Variants in FGD2 observed in about 807,000 individuals in gnomAD.
FGD2 encodes the protein FYVE, RhoGEF and PH domain containing 2, also known as FYVE, RhoGEF and PH domain-containing protein 2.
In FGD2, 52 loss-of-function variants were observed where a neutral mutation model predicts 75.9. The observed-to-expected ratio is 0.69, with a 90% confidence interval of 0.55 to 0.86. The LOEUF is 0.86. Ranked by LOEUF, FGD2 falls within the 40% of genes least tolerant of loss-of-function variation. FGD2 has a pLI of 0.00. For missense variants in FGD2, 790 were observed against 872.0 expected, an observed-to-expected ratio of 0.91 and a Z score of 1.18; for synonymous variants, 347 against 348.6, an observed-to-expected ratio of 1.00 and a Z score of 0.05.
In FGD2 at chr6:37,017,017, G is replaced by A. The variant is rs114254785; in HGVS notation, c.1122+1157G>A. ...GTGAGGCCTTCCAGAGGTGGTCTTCGCCTAGCAAACCAATAACATATAATA... is the reference window on the plus strand; with the variant it reads ...GTGAGGCCTTCCAGAGGTGGTCTTCACCTAGCAAACCAATAACATATAATA... On this transcript the variant is annotated intron_variant, in intron 9 of 15. Transcript: ENST00000274963. Among the ~76,000 whole-genome samples the A allele has an allele frequency of 3.4e-3, 518 of 152,040 alleles. 6 individuals carry two copies. Among genetic ancestry groups the A allele is most frequent in the African/African-American group, 0.012 (486 of 41,426 alleles).
chr6:37,009,071 T>G lies in FGD2; in HGVS notation c.300+6T>G. On this transcript the variant is annotated splice_donor_region_variant and intron_variant, in intron 2 of 15. Coordinates refer to ENST00000274963, the MANE Select transcript of FGD2 (RefSeq NM_173558.4). ...TCTCAGGATCGGGGACGCAGGTGCC[T>G]GAGGGCTGAGGTAGAGGTGTGGGGT... 6.2e-7 allele frequency: 1 copy of G among 1,612,916 alleles called. No homozygotes were observed. Among genetic ancestry groups the G allele is most frequent in the Non-Finnish European group, 8.5e-7 (1 of 1,179,394 alleles).
In FGD2 at chr6:37,025,859, TCTGCCTCCA is replaced by T; in HGVS notation, c.1531_1539del (p.Leu511_Cys513del). On this transcript the variant is annotated inframe_deletion, in exon 14 of 16. Transcript: ENST00000274963. ...TACGACGACAACAGGCCCAACCGAGTCTGCCTCCACTGCTACGCATTCCTCACTGGAAAT... is the reference window on the plus strand; with the variant it reads ...TACGACGACAACAGGCCCAACCGAGTCTGCTACGCATTCCTCACTGGAAAT... 1 of 1,614,000 alleles carries T rather than the reference TCTGCCTCCA, an allele frequency of 6.2e-7. No individual in the cohort carries two copies. Among genetic ancestry groups the T allele is most frequent in the Non-Finnish European group, 8.5e-7 (1 of 1,179,974 alleles).
Position 37,027,553 on chromosome 6 carries a change from T to C in FGD2, c.1730T>C (p.Leu577Pro), listed in dbSNP as rs895130872. 6.2e-7 allele frequency: 1 copy of C among 1,613,972 alleles called. No homozygotes were observed. Among genetic ancestry groups the C allele is most frequent in the Non-Finnish European group, 8.5e-7 (1 of 1,179,998 alleles). ...CVIPRDDPLV[L>P]YVYAAPQDMR... ...ATCCCTCGGGATGACCCCCTCGTGC[T>C]CTATGTCTATGCTGCCCCTCAGGTA... The change falls in exon 15 of 16, where the codon CTC (leucine) becomes CCC (proline). Residue 577 changes from leucine (L) to proline (P), a missense_variant. Coordinates refer to ENST00000274963, the MANE Select transcript of FGD2 (RefSeq NM_173558.4).
intron 2 of FGD2, chr6:37,009,656 A>C (rs1764914067): frequency 6.6e-6 from 1 of 152,222 alleles, no homozygotes; most frequent in Non-Finnish European, 1.5e-5. Flanking sequence ...TCATTTGTAA[A>C]ATGGGGATAG....
At chr6:37,022,479 G>GCCT in intron 13 of FGD2, 109 bp downstream of exon 13, 8 of 1,401,908 alleles carry the variant, frequency 5.7e-6, no homozygotes, top group Non-Finnish European at 7.4e-6. Flanking sequence ...ATCCACCTAG[G>GCCT]CCTCCACCTG....
At chr6:37,011,987 G>A (rs961230225) in intron 4 of FGD2, 133 bp downstream of exon 4, 31 of 973,090 alleles carry the variant, frequency 3.2e-5, no homozygotes, top group Non-Finnish European at 4.1e-5. Context: ...CCTGGGGCTC[G>A]GTCTGTCTGC....
At chr6:37,022,394 TGCCTCCACCTGCGTCACCCAG>T (rs758714173) in intron 13 of FGD2, 24 bp downstream of exon 13, 60 of 1,546,026 alleles carry the variant, frequency 3.9e-5, no homozygotes, top group South Asian at 4.8e-5. Flanking sequence ...CCAGCACTCC[TGCCTCCACCTGCGTCACCCAG>T]GCCTCCACCT....
chr6:37,005,943 T>C (rs1764727997), intron 1 of FGD2, 58 bp downstream of exon 1: 24 of 1,584,624 alleles, frequency 1.5e-5, no homozygotes, highest in South Asian at 3.4e-5. Flanking sequence ...CCCTCCAGCC[T>C]TTCTGGCAGC....
In FGD2 at chr6:37,010,963, TC is replaced by T; in HGVS notation, c.301-8del. On this transcript the variant is annotated splice_polypyrimidine_tract_variant and intron_variant, in intron 2 of 15. Transcript: ENST00000274963. ...CTTTTTCTCCTTCTCTCCCCTCCAA[TC>T]CTCCGCAGGAGCCAGAGAAGAAGAT... The T allele has an allele frequency of 6.2e-7, 1 of 1,613,796 alleles. No homozygotes were observed. Among genetic ancestry groups the T allele is most frequent in the Non-Finnish European group, 8.5e-7 (1 of 1,179,816 alleles).
intron 2 of FGD2, 109 bp downstream of exon 2, chr6:37,009,174 G>A (rs1354965780): frequency 2.2e-5 from 24 of 1,070,952 alleles, no homozygotes; most frequent in South Asian, 6.4e-5. Flanking sequence ...CCAGGTGGGG[G>A]TATGGTGTGA....
In FGD2 at chr6:37,011,000, C is replaced by G. The variant is rs1452689400; in HGVS notation, c.328C>G (p.Leu110Val). The G allele has an allele frequency of 6.2e-7, 1 of 1,614,208 alleles. No homozygotes were observed. Among genetic ancestry groups the G allele is most frequent in the Non-Finnish European group, 8.5e-7 (1 of 1,180,026 alleles). The stretch of plus-strand genomic sequence containing the variant: ...GCCAGAGAAGAAGATCGTCCAGGAG[C>G]TGCTGGAGACAGAGCAGGCCTATGT... ...QEPEKKIVQE[L>V]LETEQAYVAR... Residue 110 changes from leucine (L) to valine (V), a missense_variant, in exon 3 of 16, where the codon CTG becomes GTG. Physicochemically the swap from Leu to Val is conservative, Grantham distance 32. Transcript: ENST00000274963.
At chr6:37,008,633 AT>A (rs1239161507) in intron 1 of FGD2, among the ~76,000 whole-genome samples, 200 bp from the exon 2 acceptor site, 1 of 152,194 alleles carries the variant, frequency 6.6e-6, no homozygotes, top group Non-Finnish European at 1.5e-5. Flanking sequence ...ACCCTGACTC[AT>A]TTTGAACACT....
intron 13 of FGD2, chr6:37,022,649 C>G: frequency 2.7e-6 from 1 of 364,852 alleles, no homozygotes; most frequent in Non-Finnish European, 4.9e-6. Context: ...TGGCCTCTAC[C>G]TGTCCCACCT....
intron 1 of FGD2, among the ~76,000 whole-genome samples, chr6:37,006,362 C>A (rs1764751959): frequency 6.6e-6 from 1 of 152,134 alleles, no homozygotes. Flanking sequence ...GATGTACGGG[C>A]AGCATCCTGA....
chr6:37,020,067 T>G (rs1176833513), intron 9 of FGD2, among the ~76,000 whole-genome samples: 1 of 152,148 alleles, frequency 6.6e-6, no homozygotes, highest in Non-Finnish European at 1.5e-5. Flanking sequence ...GCCCAGGCTG[T>G]TCTCAAACTC....
chr6:37,020,814 G>T, intron 11 of FGD2, 75 bp downstream of exon 11: 1 of 1,538,400 alleles, frequency 6.5e-7, no homozygotes, highest in South Asian at 1.2e-5. Context: ...CTTGGTACTA[G>T]ACTACCTTGA....
intron 9 of FGD2, among the ~76,000 whole-genome samples, chr6:37,016,679 G>A (rs1204462580): frequency 6.6e-6 from 1 of 151,770 alleles, no homozygotes; most frequent in Non-Finnish European, 1.5e-5. Flanking sequence ...GACTGTAGGC[G>A]CGAGCCCCCA....
chr6:37,008,565 C>T (rs1360013077), intron 1 of FGD2, among the ~76,000 whole-genome samples: 1 of 152,232 alleles, frequency 6.6e-6, no homozygotes, highest in African/African-American at 2.4e-5. Flanking sequence ...TTCCTGGACA[C>T]TGTGGCTTCA....
At chr6:37,021,250 G>A (rs75261091) in intron 11 of FGD2, among the ~76,000 whole-genome samples, 2,735 of 152,206 alleles carry the variant, frequency 0.018, 64 homozygotes, top group East Asian at 0.067. Context: ...GACCGATCTG[G>A]GTTCCTATCT....
Sources: gnomAD v4.1 joint callset for allele counts (sites outside exome capture counted in the v4.1 genomes callset) on GRCh38, gnomAD v4.1.1 for gene constraint, MANE v1.5 for transcripts, NCBI Gene and HGNC (gene_info 2026-07-23, HGNC 2026-07-21) for gene names.